Variants in MIOX observed in about 807,000 individuals in gnomAD.
MIOX encodes the protein inositol oxygenase.
In MIOX, 51 loss-of-function variants were observed where a neutral mutation model predicts 42.7. The observed-to-expected ratio is 1.19, with a 90% CI of 0.95 to 1.51. The LOEUF is 1.51. Among genes scored for constraint, MIOX ranks in the 40% most tolerant of loss-of-function variants. The pLI is 0.00. For missense variants in MIOX, 395 were observed against 381.3 expected, an observed-to-expected ratio of 1.04 and a Z score of -0.30; for synonymous variants, 168 against 154.4, an observed-to-expected ratio of 1.09 and a Z score of -0.65.
intron 2 of MIOX, 95 bp from the exon 3 acceptor site, chr22:50,487,567 A>G: frequency 6.5e-7 from 1 of 1,537,798 alleles, no homozygotes; most frequent in Admixed American, 1.7e-5. Flanking sequence ...GGGAACTCCC[A>G]CCCCCATCAC....
At position 50,490,161 on chromosome 22, in the gene MIOX, C is replaced by T. The variant is rs1027670652; in HGVS notation, c.*305C>T. 38 of 421,340 alleles carry T rather than the reference C, an allele frequency of 9.0e-5. No individual in the cohort carries two copies. Among genetic ancestry groups the T allele is most frequent in the Admixed American group, 4.8e-4 (13 of 27,222 alleles). 26.1% of individuals were successfully genotyped at this position (421,340 alleles called of 1,614,324 possible). ...GGTGTGTGTGTCCCACCACACTGGC[C>T]GTGGTAAACATCTGCCCATCCTCCC... On this transcript the variant is annotated 3_prime_UTR_variant, in exon 10 of 10. Transcript: ENST00000216075.
intron 2 of MIOX, 76 bp downstream of exon 2, chr22:50,487,541 C>G: frequency 6.4e-7 from 1 of 1,552,108 alleles, no homozygotes; most frequent in Non-Finnish European, 8.8e-7. Flanking sequence ...TCACACAGTT[C>G]CAGGGGGTGC....
rs140383906 is a variant in MIOX, at chr22:50,489,438, C to T, written c.628C>T (p.Pro210Ser). 22 of 1,605,760 alleles carry T rather than the reference C, an allele frequency of 1.4e-5. No individual in the cohort carries two copies. In the Middle Eastern group the frequency reaches 7.5e-4, roughly 55 times the overall value. ...QVMKFNKFSLPPEAFYMIRFH... is the reference protein window; with the variant it reads ...QVMKFNKFSLSPEAFYMIRFH... Reference sequence around the variant, plus strand: ...GATGAAGTTTAACAAGTTCTCACTGCCCCCTGAGGTAGGTGGGGGGAGGGG... The same window carrying T: ...GATGAAGTTTAACAAGTTCTCACTGTCCCCTGAGGTAGGTGGGGGGAGGGG... The change falls in exon 8 of 10, where the codon CCC (proline) becomes TCC (serine). Residue 210 changes from proline to serine, a missense_variant. Pro to Ser is a moderately conservative substitution (Grantham distance 74). Transcript: ENST00000216075.
rs1169401118 is a variant in MIOX, at chr22:50,489,276, C to T, written c.567C>T (p.Leu189=). ...YQPHCGLDRV[L]MSWGHDEYMY... is the part of the protein sequence containing the mutation. The stretch of plus-strand genomic sequence containing the variant: ...CCCACTGTGGGCTCGACAGGGTCCT[C>T]ATGTCCTGGGGCCATGATGGTGAGG... Residue 189 remains leucine, a synonymous_variant, in exon 7 of 10, where the codon CTC becomes CTT. Coordinates refer to ENST00000216075, the MANE Select transcript of MIOX (RefSeq NM_017584.6). 1.9e-6 allele frequency: 3 copies of T among 1,591,710 alleles called. No individual in the cohort carries two copies. The highest frequency in any genetic ancestry group is 2.6e-6 in the Non-Finnish European group (3 of 1,174,860).
At chr22:50,488,999 C>T in intron 5 of MIOX, 41 bp from the exon 6 acceptor site, 8 of 1,361,420 alleles carry the variant, frequency 5.9e-6, no homozygotes, top group Non-Finnish European at 8.1e-6. Flanking sequence ...CACCTTCCCC[C>T]ACTCCCCCCA....
chr22:50,489,470 A>G (rs777099613), intron 8 of MIOX, 24 bp downstream of exon 8: 2 of 1,609,194 alleles, frequency 1.2e-6, no homozygotes, highest in Non-Finnish European at 1.7e-6. Context: ...GGGGCAACGC[A>G]GCCCGTCCAC....
In MIOX at chr22:50,489,018, C is replaced by CGTCCCTCTT. The variant is rs1556449720; in HGVS notation, c.409-15_409-14insTTGTCCCTC. On this transcript the variant is annotated intron_variant, in intron 5 of 9. Transcript: ENST00000216075. Reference sequence around the variant, plus strand: ...TTCCCCCACTCCCCCCATGGCCTCCCGTCCCTCCTGTCCCTCTGCAGTGGG... The same window carrying CGTCCCTCTT: ...TTCCCCCACTCCCCCCATGGCCTCCCGTCCCTCTTGTCCCTCCTGTCCCTCTGCAGTGGG... The CGTCCCTCTT allele has an allele frequency of 7.1e-3, 10,251 of 1,450,614 alleles. 237 individuals are homozygous for CGTCCCTCTT. Among genetic ancestry groups the CGTCCCTCTT allele is most frequent in the Middle Eastern group, 0.045 (257 of 5,668 alleles). 89.9% of individuals were successfully genotyped at this position (1,450,614 alleles called of 1,614,324 possible). A position where few individuals can be genotyped will look rare whatever the true frequency, so the allele number is the denominator to read the frequency against.
rs965303319 is a variant in MIOX, at chr22:50,487,239, G to A, written c.16-146G>A. ...AGGCCAGGGCAGGGGCTGGGATGAT[G>A]GCGTGGGAGAGGCTGTGTCCTCGCG... On this transcript the variant is annotated intron_variant, in intron 1 of 9. Coordinates refer to ENST00000216075, the MANE Select transcript of MIOX (RefSeq NM_017584.6). The A allele has an allele frequency of 5.5e-5, 39 of 708,398 alleles. 1 individual carries two copies. The highest frequency in any genetic ancestry group is 5.7e-5 in the Non-Finnish European group (24 of 418,128). 43.9% of individuals were successfully genotyped at this position (708,398 alleles called of 1,614,324 possible). A position where few individuals can be genotyped will look rare whatever the true frequency, so the allele number is the denominator to read the frequency against.
chr22:50,488,933 C>T, intron 5 of MIOX, 107 bp from the exon 6 acceptor site: 1 of 748,718 alleles, frequency 1.3e-6, no homozygotes, highest in Non-Finnish European at 2.2e-6. Context: ...CCTTCCCCCA[C>T]TCCCCCCATG....
Position 50,489,654 on chromosome 22 carries a change from G to C in MIOX, c.749+10G>C. 1 of 1,608,128 alleles carries C rather than the reference G, an allele frequency of 6.2e-7. No individual in the cohort carries two copies. The highest frequency in any genetic ancestry group is 8.5e-7 in the Non-Finnish European group (1 of 1,178,352). On this transcript the variant is annotated intron_variant, in intron 9 of 9. Coordinates refer to ENST00000216075, the MANE Select transcript of MIOX (RefSeq NM_017584.6). ...GGGTGCGGGAGTTCAAGTACGCCCC[G>C]CTACCCGCCGAGGGGTGTTGTGGGA...
intron 1 of MIOX, among the ~76,000 whole-genome samples, chr22:50,487,123 G>C (rs891529068): frequency 4.6e-5 from 7 of 152,220 alleles, no homozygotes; most frequent in African/African-American, 1.7e-4. Flanking sequence ...TGCCGCTCAG[G>C]CGTGGTGTCC....
Position 50,488,450 on chromosome 22 carries a change from C to A in MIOX, c.408+108C>A, listed in dbSNP as rs2068303364. On this transcript the variant is annotated intron_variant, in intron 5 of 9. Transcript: ENST00000216075. ...ACTACCTGGGGGACAGGCCAGTGCA[C>A]CCCCCACGGCCCCCCGACGGCTGCC... 7.1e-6 allele frequency: 6 copies of A among 845,090 alleles called. No homozygotes were observed. In the East Asian group the frequency reaches 8.1e-5, roughly 11 times the overall value. The allele number at this position is 845,090 out of a possible 1,614,324, so 52.3% of individuals were successfully genotyped here.
chr22:50,488,545 GCCC>G (rs61657525), intron 5 of MIOX, among the ~76,000 whole-genome samples: 4 of 32,756 alleles, frequency 1.2e-4, no homozygotes, highest in Admixed American at 8.7e-4. Context: ...ACCCCCCACG[GCCC>G]CCCCCACGGC....
In MIOX at chr22:50,489,256, T is replaced by C; in HGVS notation, c.547T>C (p.Cys183Arg). The C allele has an allele frequency of 6.2e-7, 1 of 1,601,868 alleles. No homozygotes were observed. Among genetic ancestry groups the C allele is most frequent in the East Asian group, 2.2e-5 (1 of 44,528 alleles). The change falls in exon 7 of 10, where the codon TGT becomes CGT. Residue 183 changes from cysteine to arginine, a missense_variant. Physicochemically the swap from Cys to Arg is radical, Grantham distance 180. Transcript: ENST00000216075. ...STELGMYQPH[C>R]GLDRVLMSWG... ...AGAGCTCGGGATGTATCAGCCCCACTGTGGGCTCGACAGGGTCCTCATGTC... is the reference window on the plus strand; with the variant it reads ...AGAGCTCGGGATGTATCAGCCCCACCGTGGGCTCGACAGGGTCCTCATGTC...
At chr22:50,488,678 C>G (rs1263971404) in intron 5 of MIOX, among the ~76,000 whole-genome samples, 2 of 148,384 alleles carry the variant, frequency 1.3e-5, no homozygotes, top group Non-Finnish European at 3.0e-5. Flanking sequence ...CCGCCTGTCC[C>G]TCCTGTCACT....
rs1276608823 is a variant in MIOX, at chr22:50,489,732, C to T, written c.750-16C>T. ...TGGGGGTTCTTCACGGGGCTCACCG[C>T]CCCTCCCTGCTGCAGCAAGTTCGAC... On this transcript the variant is annotated splice_polypyrimidine_tract_variant and intron_variant, in intron 9 of 9. Transcript: ENST00000216075. The T allele has an allele frequency of 1.2e-6, 2 of 1,610,882 alleles. No homozygotes were observed. Among genetic ancestry groups the T allele is most frequent in the Non-Finnish European group, 1.7e-6 (2 of 1,179,698 alleles).
chr22:50,488,278 G>A lies in MIOX; in HGVS notation c.344G>A (p.Trp115Ter). 1 of 1,613,418 alleles carries A rather than the reference G, an allele frequency of 6.2e-7. No homozygotes were observed. The highest frequency in any genetic ancestry group is 8.5e-7 in the Non-Finnish European group (1 of 1,179,682). Residue 115 changes from tryptophan (W) to a stop codon, truncating the protein, a stop_gained, in exon 5 of 10, where the codon TGG becomes TAG. Transcript: ENST00000216075. LOFTEE classifies it high-confidence loss of function. ...GCCCTGTCCATCCCCCTCCCAGACT[G>A]GTTCCACCTCGTCGGGCTCCTGCAC... ...GIRKAHPDKDWFHLVGLLHDL... is the reference protein window; with the variant it reads ...GIRKAHPDKD
In MIOX at chr22:50,489,248, A is replaced by C; in HGVS notation, c.539A>C (p.Gln180Pro). The change falls in exon 7 of 10, where the codon CAG (glutamine) becomes CCG (proline). Residue 180 changes from glutamine to proline, a missense_variant. Physicochemically the swap from Gln to Pro is moderately conservative, Grantham distance 76 (BLOSUM62 -1). Transcript: ENST00000216075. ...PRYSTELGMY[Q>P]PHCGLDRVLM... ...TGCAGCACAGAGCTCGGGATGTATC[A>C]GCCCCACTGTGGGCTCGACAGGGTC... 1.2e-6 allele frequency: 2 copies of C among 1,605,780 alleles called. No individual in the cohort carries two copies. Among genetic ancestry groups the C allele is most frequent in the Non-Finnish European group, 1.7e-6 (2 of 1,178,954 alleles).
At position 50,487,407 on chromosome 22, in the gene MIOX, AC is replaced by A. The variant is rs1569516328; in HGVS notation, c.40del (p.Arg14AspfsTer58). 1.9e-6 allele frequency: 3 copies of A among 1,613,728 alleles called. No homozygotes were observed. The highest frequency in any genetic ancestry group is 2.5e-6 in the Non-Finnish European group (3 of 1,179,874). On this transcript the variant is annotated frameshift_variant, in exon 2 of 10. Coordinates refer to ENST00000216075, the MANE Select transcript of MIOX (RefSeq NM_017584.6). LOFTEE classifies it high-confidence loss of function. ...VTVGPDPSLV[Y>X]RPDVDPEVAK... The stretch of plus-strand genomic sequence containing the variant: ...CAGGGCCCAGACCCTTCCCTGGTCT[AC>A]CGACCTGATGTGGACCCAGAGGTGG...
Sources: gnomAD v4.1 joint callset for allele counts (sites outside exome capture counted in the v4.1 genomes callset) on GRCh38, gnomAD v4.1.1 for gene constraint, MANE v1.5 for transcripts, NCBI Gene and HGNC (gene_info 2026-07-23, HGNC 2026-07-21) for gene names.